The following PRKG1 variants were observed in gnomAD, a reference collection of about 807,000 sequenced individuals.
PRKG1 encodes the protein protein kinase cGMP-dependent 1.
A neutral mutation model predicts 88.1 loss-of-function variants in PRKG1; 35 were observed. The ratio of observed to expected loss-of-function variants is 0.40; its 90% CI spans 0.30 to 0.53. The LOEUF is 0.53. Among genes scored for constraint, PRKG1 ranks in the 20% least tolerant of loss-of-function variants. PRKG1 has a pLI of 0.59. For missense variants in PRKG1, 540 were observed against 839.8 expected (o/e 0.64, Z 4.41); for synonymous variants, 303 against 292.5 (o/e 1.04, Z -0.37).
At chr10:51,552,498 C>T (rs1353856743) in intron 3 of PRKG1, among the ~76,000 whole-genome samples, 1 of 151,554 alleles carries the variant, frequency 6.6e-6, no homozygotes, top group Non-Finnish European at 1.5e-5. Flanking sequence ...GATCATGATT[C>T]TCAATGTCAT....
intron 3 of PRKG1, among the ~76,000 whole-genome samples, chr10:51,663,744 T>C (rs981386730): frequency 1.3e-5 from 2 of 151,112 alleles, no homozygotes; most frequent in African/African-American, 4.9e-5. Context: ...CTTTTTGATA[T>C]TGTCTCTCTC....
intron 9 of PRKG1, among the ~76,000 whole-genome samples, chr10:52,173,226 A>AT (rs1255210251): frequency 6.6e-6 from 1 of 152,224 alleles, no homozygotes; most frequent in Non-Finnish European, 1.5e-5. Flanking sequence ...TTATTCAAAA[A>AT]TTTTTTATCA....
At chr10:51,145,496 C>T (rs1374914812) in intron 1 of PRKG1, among the ~76,000 whole-genome samples, 3 of 152,086 alleles carry the variant, frequency 2.0e-5, no homozygotes, top group African/African-American at 4.8e-5. Context: ...AGGCACTTTA[C>T]GTTAGTTCTG....
rs183713038 is a variant in PRKG1 at position 52,118,476 on chromosome 10, T to G, written c.936-15364T>G. ...GTTTATATTTTATATATATACAATATTTTAAGACCTTTAAAATGCTTATAC... is the reference window on the plus strand; with the variant it reads ...GTTTATATTTTATATATATACAATAGTTTAAGACCTTTAAAATGCTTATAC... On this transcript the variant is annotated intron_variant, in intron 7 of 17. Transcript: ENST00000373980. Among the ~76,000 whole-genome samples the G allele has an allele frequency of 1.5e-4, 23 of 152,146 alleles. 1 individual carries two copies. In the East Asian group the frequency reaches 1.7e-3, roughly 11 times the overall value.
intron 4 of PRKG1, among the ~76,000 whole-genome samples, chr10:51,874,569 G>T (rs1841245292): frequency 6.6e-6 from 1 of 152,206 alleles, no homozygotes; most frequent in South Asian, 2.1e-4. Context: ...ATATGCCAAA[G>T]CTTAAGAGCA....
At chr10:52,176,120 GT>G (rs1838858082) in intron 9 of PRKG1, among the ~76,000 whole-genome samples, 2 of 146,312 alleles carry the variant, frequency 1.4e-5, no homozygotes, top group African/African-American at 5.0e-5. Flanking sequence ...GAGTTTTGCA[GT>G]TTGGGGTCTT....
intron 3 of PRKG1, among the ~76,000 whole-genome samples, chr10:51,734,162 C>T (rs997325232): frequency 8.6e-5 from 13 of 151,996 alleles, no homozygotes. Flanking sequence ...CATTATATGA[C>T]TGATAAATTG....
intron 3 of PRKG1, among the ~76,000 whole-genome samples, chr10:51,557,490 G>C (rs1281261949): frequency 6.6e-6 from 1 of 151,796 alleles, no homozygotes; most frequent in Non-Finnish European, 1.5e-5. Context: ...TTATAAGGGA[G>C]TTATGAGTAT....
intron 9 of PRKG1, among the ~76,000 whole-genome samples, chr10:52,173,005 A>G (rs1564501704): frequency 6.6e-6 from 1 of 152,238 alleles, no homozygotes; most frequent in African/African-American, 2.4e-5. Flanking sequence ...GAATGTGCAC[A>G]TTAACAAGGC....
chr10:51,944,086 G>A (rs1842970693), intron 5 of PRKG1, among the ~76,000 whole-genome samples: 2 of 152,030 alleles, frequency 1.3e-5, no homozygotes, highest in East Asian at 1.9e-4. Flanking sequence ...TCTGGTCCTG[G>A]ACTCTTTTTG....
intron 5 of PRKG1, among the ~76,000 whole-genome samples, chr10:51,941,656 ATCTG>A (rs1366450111): frequency 1.5e-5 from 2 of 133,636 alleles, no homozygotes; most frequent in Non-Finnish European, 3.0e-5. Flanking sequence ...TCCTGTGTCC[ATCTG>A]TTCTCATTGT....
chr10:51,355,474 C>G (rs1220775047), intron 2 of PRKG1, among the ~76,000 whole-genome samples: 3 of 152,056 alleles, frequency 2.0e-5, no homozygotes, highest in Non-Finnish European at 2.9e-5. Context: ...CACTGTGCTT[C>G]TTTTCATGAA....
intron 7 of PRKG1, among the ~76,000 whole-genome samples, chr10:52,118,016 C>T (rs1030210090): frequency 6.6e-6 from 1 of 151,934 alleles, no homozygotes; most frequent in Non-Finnish European, 1.5e-5. Context: ...TCTTCCTATA[C>T]ACAACACTAT....
Position 51,627,971 on chromosome 10 carries a change from T to TTCCTTC in PRKG1, c.592+160135_592+160136insTCCTTC. ...CTTTCTTTCTTTCTTTCTTTCTTTCTCTTTCTTTCTTTCTTTCTTTCTCTC... is the reference window on the plus strand; with the variant it reads ...CTTTCTTTCTTTCTTTCTTTCTTTCTTCCTTCCTTTCTTTCTTTCTTTCTTTCTCTC... On this transcript the variant is annotated intron_variant, in intron 3 of 17. Transcript: ENST00000373980. Among the ~76,000 whole-genome samples the TTCCTTC allele has an allele frequency of 2.0e-3, 4 of 1,978 alleles. No homozygotes were observed. In the South Asian group the frequency reaches 0.048, roughly 24 times the overall value. The allele number at this position is 1,978 out of a possible 152,430, so 1.3% of individuals were successfully genotyped here. A position where few individuals can be genotyped will look rare whatever the true frequency, so the allele number is the denominator to read the frequency against.
At chr10:51,869,344 G>A (rs1186916729) in intron 4 of PRKG1, among the ~76,000 whole-genome samples, 5 of 151,270 alleles carry the variant, frequency 3.3e-5, no homozygotes, top group Admixed American at 3.3e-4. Context: ...CAAGAATTTT[G>A]GTTATCAATT....
intron 7 of PRKG1, among the ~76,000 whole-genome samples, chr10:52,112,230 C>A (rs1279940310): frequency 6.6e-6 from 1 of 152,186 alleles, no homozygotes; most frequent in East Asian, 1.9e-4. Flanking sequence ...AGTTTATGTT[C>A]TTTCCAGATC....
At chr10:52,103,300 T>C (rs886981198) in intron 7 of PRKG1, among the ~76,000 whole-genome samples, 1 of 152,048 alleles carries the variant, frequency 6.6e-6, no homozygotes, top group Non-Finnish European at 1.5e-5. Context: ...GAAATTACAA[T>C]GTATTTCCAT....
chr10:51,172,600 CTATGTATGTATGTATGTATGTATGTATG>C lies in PRKG1; in HGVS notation c.478+19294_478+19321del, dbSNP rs34401585. On this transcript the variant is annotated intron_variant, in intron 2 of 17. Coordinates refer to ENST00000373980, the MANE Select transcript of PRKG1 (RefSeq NM_006258.4). ...GATCTATCTGTATACCTATGTCTGTCTATGTATGTATGTATGTATGTATGTATGTATGTATGTATGTATGTATGTATCT... is the reference window on the plus strand; with the variant it reads ...GATCTATCTGTATACCTATGTCTGTCTATGTATGTATGTATGTATGTATCT... Among the ~76,000 whole-genome samples the C allele has an allele frequency of 3.7e-3, 526 of 141,632 alleles. 7 individuals carry two copies. Among genetic ancestry groups the C allele is most frequent in the African/African-American group, 0.013 (490 of 38,984 alleles). The allele number at this position is 141,632 out of a possible 152,430, so 92.9% of individuals were successfully genotyped here. A position where few individuals can be genotyped will look rare whatever the true frequency, so the allele number is the denominator to read the frequency against.
chr10:51,804,388 A>G (rs1018090019), intron 3 of PRKG1, among the ~76,000 whole-genome samples, 197 bp from the exon 4 acceptor site: 1 of 152,130 alleles, frequency 6.6e-6, no homozygotes, highest in African/African-American at 2.4e-5. Context: ...AAAATTATGA[A>G]CTACATTTTG....
Sources: gnomAD v4.1 joint callset for allele counts (sites outside exome capture counted in the v4.1 genomes callset) on GRCh38, gnomAD v4.1.1 for gene constraint, MANE v1.5 for transcripts, NCBI Gene and HGNC (gene_info 2026-07-23, HGNC 2026-07-21) for gene names.